Variants in COX7B2 observed in about 807,000 individuals in gnomAD.
COX7B2 encodes the protein cytochrome c oxidase subunit 7B2, mitochondrial.
For synonymous variants in COX7B2, 37 were observed against 32.1 expected, an observed-to-expected ratio of 1.15 and a Z score of -0.51; for missense variants, 109 against 95.9, an observed-to-expected ratio of 1.14 and a Z score of -0.57.
At chr4:46,851,683 C>T (rs1023226133) in intron 1 of COX7B2, among the ~76,000 whole-genome samples, 3 of 152,086 alleles carry the variant, frequency 2.0e-5, no homozygotes, top group African/African-American at 7.2e-5. Context: ...GTAATAGTTC[C>T]TCAGTCTTCC....
chr4:46,885,707 G>A (rs1312441668), intron 1 of COX7B2, among the ~76,000 whole-genome samples: 1 of 151,976 alleles, frequency 6.6e-6, no homozygotes, highest in Non-Finnish European at 1.5e-5. Context: ...AAACCAGGTG[G>A]GTTTTTTTCT....
intron 1 of COX7B2, among the ~76,000 whole-genome samples, chr4:46,854,963 T>C (rs1716918663): frequency 6.6e-6 from 1 of 152,212 alleles, no homozygotes. Context: ...TGTCATTATG[T>C]ATTTTATGAA....
chr4:46,767,616 A>G (rs1164554073), intron 2 of COX7B2, among the ~76,000 whole-genome samples: 2 of 152,230 alleles, frequency 1.3e-5, no homozygotes, highest in Non-Finnish European at 2.9e-5. Flanking sequence ...AAAAGTCTCA[A>G]CAAATTTAAG....
chr4:46,838,037 A>G (rs936563586), intron 2 of COX7B2, among the ~76,000 whole-genome samples: 4 of 151,984 alleles, frequency 2.6e-5, no homozygotes, highest in African/African-American at 9.7e-5. Context: ...AAAACAGTAT[A>G]CTCTAGAGTT....
intron 2 of COX7B2, among the ~76,000 whole-genome samples, chr4:46,778,449 A>T: frequency 6.6e-6 from 1 of 152,084 alleles, no homozygotes; most frequent in East Asian, 1.9e-4. Flanking sequence ...TTTCTAGGTA[A>T]ATGCATGCAG....
At chr4:46,861,535 A>G (rs540363272) in intron 1 of COX7B2, among the ~76,000 whole-genome samples, 4 of 152,370 alleles carry the variant, frequency 2.6e-5, no homozygotes, top group African/African-American at 9.6e-5. Context: ...CTTAAAAAAA[A>G]GAAACTCATT....
At chr4:46,877,858 C>T (rs1718439687) in intron 1 of COX7B2, among the ~76,000 whole-genome samples, 1 of 152,050 alleles carries the variant, frequency 6.6e-6, no homozygotes, top group Non-Finnish European at 1.5e-5. Flanking sequence ...AACCACATAA[C>T]CCTGCAATAT....
chr4:46,833,491 C>T (rs552894939), intron 2 of COX7B2, among the ~76,000 whole-genome samples: 18 of 151,966 alleles, frequency 1.2e-4, no homozygotes, highest in Non-Finnish European at 2.5e-4. Context: ...AAAGTATAGC[C>T]CAAATGCAGG....
At chr4:46,777,635 A>AGGGAAGGTATGTAGTT (rs1717229863) in intron 2 of COX7B2, among the ~76,000 whole-genome samples, 24 of 152,158 alleles carry the variant, frequency 1.6e-4, no homozygotes, top group Admixed American at 1.6e-3. Context: ...ATAAGAAAGA[A>AGGGAAGGTATGTAGTT]GGGAAGGTAT....
At chr4:46,782,963 A>G (rs951384461) in intron 2 of COX7B2, among the ~76,000 whole-genome samples, 6 of 152,192 alleles carry the variant, frequency 3.9e-5, no homozygotes, top group Non-Finnish European at 7.3e-5. Context: ...CAAAACCAAG[A>G]ACCCACCAAT....
intron 1 of COX7B2, among the ~76,000 whole-genome samples, chr4:46,902,866 G>C (rs964623335): frequency 7.9e-5 from 12 of 152,064 alleles, no homozygotes; most frequent in Non-Finnish European, 1.6e-4. Flanking sequence ...AACAGAGGGA[G>C]ACCCTGTCTC....
intron 1 of COX7B2, among the ~76,000 whole-genome samples, chr4:46,859,034 A>G (rs778049101): frequency 2.6e-5 from 4 of 152,252 alleles, no homozygotes; most frequent in Non-Finnish European, 5.9e-5. Context: ...TGTAAAAAAT[A>G]CTCTTTCAGA....
chr4:46,773,735 C>A (rs1483111867), intron 2 of COX7B2, among the ~76,000 whole-genome samples: 1 of 152,058 alleles, frequency 6.6e-6, no homozygotes, highest in Non-Finnish European at 1.5e-5. Context: ...AGCTGAGCAT[C>A]TAGATTTCTA....
chr4:46,789,219 C>T (rs1717907537), intron 2 of COX7B2, among the ~76,000 whole-genome samples: 1 of 152,106 alleles, frequency 6.6e-6, no homozygotes, highest in Admixed American at 6.5e-5. Flanking sequence ...TCGTGTTCTC[C>T]AGTTGCTTCT....
intron 2 of COX7B2, among the ~76,000 whole-genome samples, chr4:46,844,484 G>A (rs1373103917): frequency 6.6e-6 from 1 of 151,900 alleles, no homozygotes; most frequent in Non-Finnish European, 1.5e-5. Flanking sequence ...TAAAAGTCAC[G>A]GAAGCATATA....
At chr4:46,804,131 G>C (rs530795518) in intron 2 of COX7B2, among the ~76,000 whole-genome samples, 1 of 152,078 alleles carries the variant, frequency 6.6e-6, no homozygotes, top group South Asian at 2.1e-4. Flanking sequence ...CTCTTAAGGC[G>C]GCGCGTCTGG....
intron 1 of COX7B2, among the ~76,000 whole-genome samples, chr4:46,849,238 A>G (rs919662800): frequency 6.6e-6 from 1 of 152,014 alleles, no homozygotes; most frequent in Non-Finnish European, 1.5e-5. Flanking sequence ...GTTTTGCTCC[A>G]TCATCAAGGC....
At chr4:46,821,720 CAT>C (rs1192478051) in intron 2 of COX7B2, among the ~76,000 whole-genome samples, 3 of 152,268 alleles carry the variant, frequency 2.0e-5, no homozygotes, top group South Asian at 4.1e-4. Flanking sequence ...CATTGTCACA[CAT>C]ATTTATTATC....
chr4:46,869,497 A>G (rs1233842917), intron 1 of COX7B2, among the ~76,000 whole-genome samples: 1 of 151,968 alleles, frequency 6.6e-6, no homozygotes, highest in African/African-American at 2.4e-5. Context: ...TCTTTTTGTA[A>G]TAGCTCATGT....
Sources: gnomAD v4.1 joint callset for allele counts (sites outside exome capture counted in the v4.1 genomes callset) on GRCh38, gnomAD v4.1.1 for gene constraint, MANE v1.5 for transcripts, NCBI Gene and HGNC (gene_info 2026-07-23, HGNC 2026-07-21) for gene names.